The following RAB27A variants were observed in gnomAD, a reference collection of about 807,000 sequenced individuals.
The protein encoded by RAB27A is RAB27A, member RAS oncogene family, also known as ras-related protein Rab-27A.
In RAB27A, 17 loss-of-function variants were observed where a neutral mutation model predicts 20.8. The ratio of observed to expected loss-of-function variants is 0.82; its 90% CI spans 0.56 to 1.23. The LOEUF (loss-of-function observed/expected upper bound fraction) is 1.23. Ranked by LOEUF, RAB27A falls within the 50% of genes most tolerant of loss-of-function variation. The pLI is 0.00. For missense variants in RAB27A, 277 were observed against 266.7 expected, an observed-to-expected ratio of 1.04 and a Z score of -0.27; for synonymous variants, 85 against 92.8, an observed-to-expected ratio of 0.92 and a Z score of 0.48.
chr15:55,263,535 T>C (rs1897350216), intron 2 of RAB27A, among the ~76,000 whole-genome samples: 1 of 152,242 alleles, frequency 6.6e-6, no homozygotes, highest in Non-Finnish European at 1.5e-5. Flanking sequence ...TAATTTTAAC[T>C]ACTAGCACTT....
chr15:55,269,658 T>C (rs1295842996), intron 2 of RAB27A: 1 of 152,100 alleles, frequency 6.6e-6, no homozygotes, highest in Admixed American at 6.6e-5. Context: ...GGAGAATCAC[T>C]TGATCCTGGG....
intron 2 of RAB27A, among the ~76,000 whole-genome samples, chr15:55,302,764 A>C (rs1403029800): frequency 6.3e-4 from 72 of 113,872 alleles, no homozygotes; most frequent in East Asian, 1.4e-3. Context: ...TGCCCGGCCG[A>C]GACCCCGTCT....
At chr15:55,294,413 C>T (rs895984988), upstream of RAB27A, among the ~76,000 whole-genome samples, 21 of 151,734 alleles carry the variant, frequency 1.4e-4, no homozygotes, top group Non-Finnish European at 2.8e-4. Context: ...CATGGTGAAA[C>T]CCTGTCTCTA....
chr15:55,305,206 C>A (rs2054991826), intron 2 of RAB27A, among the ~76,000 whole-genome samples: 1 of 152,184 alleles, frequency 6.6e-6, no homozygotes, highest in African/African-American at 2.4e-5. Context: ...CCCTGTCTCT[C>A]AGTCCCTACT....
In RAB27A at chr15:55,241,600, T is replaced by TTCTATATATATATATATATA. The variant is rs1388634936; in HGVS notation, c.-22-6645_-22-6644insTATATATATATATATATAGA. 5.0e-3 allele frequency among the ~76,000 whole-genome samples: 620 copies of TTCTATATATATATATATATA among 123,776 alleles called. 64 individuals are homozygous for TTCTATATATATATATATATA. The highest frequency in any genetic ancestry group is 0.026 in the African/African-American group (597 of 23,352). The allele number at this position is 123,776 out of a possible 152,430, so 81.2% of individuals were successfully genotyped here. Reference sequence around the variant, plus strand: ...AGCCCAGGCAACTAGCAAGACCTATTTATATATATATATATATATATATAT... The same window carrying TTCTATATATATATATATATA: ...AGCCCAGGCAACTAGCAAGACCTATTTCTATATATATATATATATATATATATATATATATATATATATAT... On this transcript the variant is annotated intron_variant, in intron 2 of 6. Transcript: ENST00000336787.
At chr15:55,257,649 C>T (rs1322518713) in intron 2 of RAB27A, among the ~76,000 whole-genome samples, 1 of 152,230 alleles carries the variant, frequency 6.6e-6, no homozygotes, top group Non-Finnish European at 1.5e-5. Flanking sequence ...AGATTCCAAA[C>T]TTAGGCCTTG....
At chr15:55,278,386 AAAG>A (rs1411810554) in intron 1 of RAB27A, among the ~76,000 whole-genome samples, 17 of 152,186 alleles carry the variant, frequency 1.1e-4, no homozygotes, top group Non-Finnish European at 1.2e-4. Context: ...GCCACCTCAC[AAAG>A]AAGAGGCATC....
At chr15:55,235,026 A>G (rs1896198447) in intron 2 of RAB27A, 70 bp from the exon 3 acceptor site, 2 of 1,273,696 alleles carry the variant, frequency 1.6e-6, no homozygotes, top group Admixed American at 4.0e-5. Context: ...TTAAAAAGTG[A>G]CAACAATATT....
chr15:55,207,925 G>C (rs1433930504), intron 6 of RAB27A, among the ~76,000 whole-genome samples: 1 of 152,008 alleles, frequency 6.6e-6, no homozygotes, highest in African/African-American at 2.4e-5. Flanking sequence ...CAAAGTGCTG[G>C]GATAACAGGC....
At chr15:55,241,600 T>TTCTTTATATATATATATGTGTATATATA (rs1388634936) in intron 2 of RAB27A, among the ~76,000 whole-genome samples, 3 of 123,898 alleles carry the variant, frequency 2.4e-5, no homozygotes, top group African/African-American at 1.3e-4. Context: ...CAAGACCTAT[T>TTCTTTATATATATATATGTGTATATATA]TATATATATA....
chr15:55,276,480 C>T (rs1897878196), intron 1 of RAB27A, among the ~76,000 whole-genome samples: 1 of 152,120 alleles, frequency 6.6e-6, no homozygotes, highest in Admixed American at 6.6e-5. Flanking sequence ...TGAGGCGCGA[C>T]AATTGCTTGA....
At chr15:55,308,814 T>C (rs2055008636) in intron 2 of RAB27A, among the ~76,000 whole-genome samples, 1 of 152,172 alleles carries the variant, frequency 6.6e-6, no homozygotes, top group Non-Finnish European at 1.5e-5. Flanking sequence ...TCATGAGATG[T>C]CCACACAGTA....
chr15:55,311,949 G>A (rs1299299373), intron 2 of RAB27A, among the ~76,000 whole-genome samples: 2 of 152,168 alleles, frequency 1.3e-5, no homozygotes, highest in African/African-American at 2.4e-5. Context: ...CAAGCCTCGT[G>A]TTCTCTGACC....
intron 2 of RAB27A, among the ~76,000 whole-genome samples, chr15:55,253,666 G>A (rs1896978599): frequency 1.3e-5 from 2 of 151,824 alleles, no homozygotes; most frequent in South Asian, 2.1e-4. Flanking sequence ...GATATTTGAA[G>A]CCTAGAGGTT....
chr15:55,245,913 C>T (rs1481625119), intron 2 of RAB27A, among the ~76,000 whole-genome samples: 1 of 152,024 alleles, frequency 6.6e-6, no homozygotes, highest in East Asian at 1.9e-4. Flanking sequence ...AGTTCAAAAC[C>T]AACATGGCAA....
intron 2 of RAB27A, among the ~76,000 whole-genome samples, chr15:55,299,321 CG>C (rs1566939885): frequency 1.3e-5 from 2 of 152,222 alleles, no homozygotes; most frequent in African/African-American, 4.8e-5. Flanking sequence ...GGGCCGGCCA[CG>C]GTGCCTCATG....
At chr15:55,210,023 CATAT>C (rs546510862) in intron 6 of RAB27A, among the ~76,000 whole-genome samples, 22 of 135,572 alleles carry the variant, frequency 1.6e-4, no homozygotes, top group South Asian at 9.2e-4. Flanking sequence ...CATATATACG[CATAT>C]ATATGTGTGT....
At chr15:55,212,579 G>A (rs1895078979) in intron 6 of RAB27A, among the ~76,000 whole-genome samples, 1 of 147,830 alleles carries the variant, frequency 6.8e-6, no homozygotes, top group African/African-American at 2.6e-5. Context: ...GCCCAGCCTG[G>A]AGTGCAGTGG....
In RAB27A at chr15:55,203,105, A is replaced by G. The variant is rs1009692803; in HGVS notation, c.*2402T>C. 6.6e-6 allele frequency: 1 copy of G among 152,084 alleles called. No individual in the cohort carries two copies. Among genetic ancestry groups the G allele is most frequent in the African/African-American group, 2.4e-5 (1 of 41,430 alleles). The allele number at this position is 152,084 out of a possible 1,614,324, so 9.4% of individuals were successfully genotyped here. On this transcript the variant is annotated 3_prime_UTR_variant, in exon 7 of 7. Transcript: ENST00000336787. Reference sequence around the variant, plus strand: ...TATAGTACTTCAATACCAAACTTAAATGATTTCCAAAAAGAATACAGGTTA... The same window carrying G: ...TATAGTACTTCAATACCAAACTTAAGTGATTTCCAAAAAGAATACAGGTTA...
Sources: allele counts gnomAD v4.1 joint callset (sites outside exome capture counted in the v4.1 genomes callset), GRCh38; gene constraint gnomAD v4.1.1; transcripts MANE v1.5; gene names NCBI Gene and HGNC (gene_info 2026-07-23, HGNC 2026-07-21).